CRTAP: variants seen among roughly 807,000 people sequenced by gnomAD.
CRTAP encodes cartilage associated protein.
A neutral mutation model predicts 42.7 loss-of-function variants in CRTAP; 33 were observed. The ratio of observed to expected loss-of-function variants is 0.77; its 90% CI spans 0.59 to 1.03. The LOEUF is 1.03. Ranked by LOEUF, CRTAP falls within the 50% of genes least tolerant of loss-of-function variation. The pLI is 0.00. For missense variants in CRTAP, 613 were observed against 533.9 expected, an observed-to-expected ratio of 1.15 and a Z score of -1.46; for synonymous variants, 243 against 217.7, an observed-to-expected ratio of 1.12 and a Z score of -1.02.
At chr3:33,132,287 C>A (rs372214497) in intron 4 of CRTAP, among the ~76,000 whole-genome samples, 1 of 152,142 alleles carries the variant, frequency 6.6e-6, no homozygotes, top group Non-Finnish European at 1.5e-5. Context: ...GACCTGAGAC[C>A]AGCTCAGGTC....
chr3:33,126,364 G>C (rs1295261176), intron 3 of CRTAP, among the ~76,000 whole-genome samples: 1 of 152,146 alleles, frequency 6.6e-6, no homozygotes, highest in Non-Finnish European at 1.5e-5. Flanking sequence ...TGAAGAATCT[G>C]CATTTTTTGT....
At chr3:33,123,811 C>G (rs4320036) in intron 2 of CRTAP, among the ~76,000 whole-genome samples, 97,684 of 151,696 alleles carry the variant, frequency 0.64, 32,157 homozygotes, top group Non-Finnish European at 0.72. Flanking sequence ...ATTTTTAGTA[C>G]AGATGGGGTT....
intron 3 of CRTAP, among the ~76,000 whole-genome samples, chr3:33,125,543 A>C (rs2125600917): frequency 7.4e-6 from 1 of 134,862 alleles, no homozygotes; most frequent in East Asian, 2.3e-4. Context: ...TGTTATGGAA[A>C]ATTTCAAACA....
At chr3:33,118,274 C>T (rs1039695811) in intron 1 of CRTAP, among the ~76,000 whole-genome samples, 8 of 152,186 alleles carry the variant, frequency 5.3e-5, no homozygotes, top group African/African-American at 1.9e-4. Context: ...GCCCCTCTTT[C>T]TAAGTGCTGT....
At chr3:33,133,063 A>AT (rs772265530) in intron 5 of CRTAP, among the ~76,000 whole-genome samples, 12 of 151,718 alleles carry the variant, frequency 7.9e-5, no homozygotes, top group African/African-American at 2.4e-4. Flanking sequence ...AGGAAAAGTC[A>AT]TTTTTTTCTG....
chr3:33,141,085 TC>T, intron 6 of CRTAP, among the ~76,000 whole-genome samples: 1 of 152,190 alleles, frequency 6.6e-6, no homozygotes, highest in Admixed American at 6.5e-5. Flanking sequence ...CAAGCAGCCC[TC>T]ACAGGAGTTG....
chr3:33,117,398 GTGC>G (rs952618689), intron 1 of CRTAP, among the ~76,000 whole-genome samples: 1 of 152,180 alleles, frequency 6.6e-6, no homozygotes. Context: ...GAAAAGGGCT[GTGC>G]TACTGGTGTG....
intron 6 of CRTAP, among the ~76,000 whole-genome samples, chr3:33,135,844 C>T (rs1187389069): frequency 6.6e-6 from 1 of 152,016 alleles, no homozygotes; most frequent in African/African-American, 2.4e-5. Context: ...AGCAGTTTCT[C>T]TTGTTATATT....
intron 2 of CRTAP, among the ~76,000 whole-genome samples, chr3:33,123,625 G>GT (rs141876885): frequency 0.015 from 1,560 of 106,300 alleles, 50 homozygotes; most frequent in East Asian, 0.037. Flanking sequence ...CCCAGTCTCG[G>GT]TTTTTTTTTT....
intron 3 of CRTAP, among the ~76,000 whole-genome samples, chr3:33,129,148 C>G (rs1269518156): frequency 6.6e-6 from 1 of 152,132 alleles, no homozygotes; most frequent in Admixed American, 6.5e-5. Flanking sequence ...AGAAAATTTC[C>G]TAGAAGTAGA....
At chr3:33,118,827 G>T (rs1282747273) in intron 1 of CRTAP, among the ~76,000 whole-genome samples, 2 of 152,172 alleles carry the variant, frequency 1.3e-5, no homozygotes, top group African/African-American at 4.8e-5. Flanking sequence ...GCCCTCCTGA[G>T]GTCCTGCCAT....
At chr3:33,141,240 G>A (rs144858247) in intron 6 of CRTAP, among the ~76,000 whole-genome samples, 9 of 152,200 alleles carry the variant, frequency 5.9e-5, no homozygotes, top group Non-Finnish European at 8.8e-5. Flanking sequence ...CCATCATCCC[G>A]CAAGTCACAA....
rs753075860 is a variant in CRTAP at position 33,142,417 on chromosome 3, A to G, written c.1175A>G (p.Asp392Gly). 2 of 1,614,140 alleles carry G rather than the reference A, an allele frequency of 1.2e-6. No homozygotes were observed. Among genetic ancestry groups the G allele is most frequent in the East Asian group, 2.2e-5 (1 of 44,888 alleles). ...DDEGEVVEYV[D>G]DLLELEETS ...CAGGGAGAAGTTGTGGAATATGTGG[A>G]TGACCTCTTGGAACTGGAGGAGACC... The change falls in exon 7 of 7, where the codon GAT (aspartate) becomes GGT (glycine). Residue 392 changes from aspartate to glycine, a missense_variant. By Grantham distance (94) the Asp-to-Gly change is moderately conservative (BLOSUM62 -1). Coordinates refer to ENST00000320954, the MANE Select transcript of CRTAP (RefSeq NM_006371.5).
At chr3:33,133,594 C>CAT (rs1261080102) in intron 5 of CRTAP, among the ~76,000 whole-genome samples, 1 of 152,048 alleles carries the variant, frequency 6.6e-6, no homozygotes, top group Non-Finnish European at 1.5e-5. Context: ...TATATTTACT[C>CAT]ATATATATAG....
chr3:33,136,554 G>A lies in CRTAP; in HGVS notation c.1152+2289G>A, dbSNP rs1207158281. Among the ~76,000 whole-genome samples, 4 of 152,148 alleles carry A rather than the reference G, an allele frequency of 2.6e-5. No homozygotes were observed. In the East Asian group the frequency reaches 7.7e-4, roughly 29 times the overall value. On this transcript the variant is annotated intron_variant, in intron 6 of 6. Coordinates refer to ENST00000320954, the MANE Select transcript of CRTAP (RefSeq NM_006371.5). Reference sequence around the variant, plus strand: ...TTGCTTGAGCCCAAGACTAGCCTGAGTAACATAGTGAGACTCTGTCTCTAC... The same window carrying A: ...TTGCTTGAGCCCAAGACTAGCCTGAATAACATAGTGAGACTCTGTCTCTAC...
chr3:33,142,572 G>T lies in CRTAP; in HGVS notation c.*124G>T. The T allele has an allele frequency of 2.2e-6, 2 of 910,594 alleles. No individual in the cohort carries two copies. Among genetic ancestry groups the T allele is most frequent in the South Asian group, 1.4e-5 (1 of 69,822 alleles). 56.4% of individuals were successfully genotyped at this position (910,594 alleles called of 1,614,324 possible). Reference sequence around the variant, plus strand: ...CTTTACTCTCCAAAGTGAAAGGGAAGCCCCCGTCTCTCTAACTGCATGTCA... The same window carrying T: ...CTTTACTCTCCAAAGTGAAAGGGAATCCCCCGTCTCTCTAACTGCATGTCA... On this transcript the variant is annotated 3_prime_UTR_variant, in exon 7 of 7. Transcript: ENST00000320954.
intron 2 of CRTAP, 48 bp downstream of exon 2, chr3:33,120,541 A>C: frequency 6.4e-7 from 1 of 1,561,102 alleles, no homozygotes; most frequent in Non-Finnish European, 8.7e-7. Context: ...TGGACTGTTA[A>C]AGAAATGTCT....
intron 5 of CRTAP, among the ~76,000 whole-genome samples, chr3:33,133,800 A>G (rs2030342813): frequency 6.6e-6 from 1 of 152,180 alleles, no homozygotes; most frequent in Non-Finnish European, 1.5e-5. Flanking sequence ...CTTGATAGGC[A>G]AACTCACCAC....
intron 6 of CRTAP, among the ~76,000 whole-genome samples, chr3:33,141,516 T>C (rs760867667): frequency 6.6e-6 from 1 of 152,224 alleles, no homozygotes; most frequent in Non-Finnish European, 1.5e-5. Context: ...TTTTATAAAT[T>C]TCTCTGTGTT....
Sources: allele counts gnomAD v4.1 joint callset (sites outside exome capture counted in the v4.1 genomes callset), GRCh38; gene constraint gnomAD v4.1.1; transcripts MANE v1.5; gene names NCBI Gene and HGNC (gene_info 2026-07-23, HGNC 2026-07-21).